CRYBG1: variants seen among roughly 807,000 people sequenced by gnomAD.
CRYBG1 encodes beta/gamma crystallin domain-containing protein 1.
Under a neutral mutation model 189.2 loss-of-function variants are expected in CRYBG1, and 139 were observed. The observed-to-expected ratio is 0.73, with a 90% CI of 0.64 to 0.85. The LOEUF (loss-of-function observed/expected upper bound fraction) is 0.85, where lower values mean the gene tolerates loss of function less well. Ranked by LOEUF, CRYBG1 falls within the 40% of genes least tolerant of loss-of-function variation. The pLI, the probability that CRYBG1 is intolerant of heterozygous loss-of-function variation, is 0.00. For missense variants in CRYBG1, 2,611 were observed against 2,675.8 expected (o/e 0.98, Z 0.53); for synonymous variants, 1,023 against 1,017.1 (o/e 1.01, Z -0.11).
intron 2 of CRYBG1, among the ~76,000 whole-genome samples, chr6:106,499,293 C>T (rs1237516805): frequency 6.7e-6 from 1 of 149,866 alleles, no homozygotes; most frequent in Non-Finnish European, 1.5e-5. Flanking sequence ...GCTGGGATTA[C>T]AGGTGCCGGC....
At chr6:106,528,855 C>G (rs1055011879) in intron 7 of CRYBG1, among the ~76,000 whole-genome samples, 1 of 151,768 alleles carries the variant, frequency 6.6e-6, no homozygotes, top group Non-Finnish European at 1.5e-5. Context: ...TTTATTATTT[C>G]TTCTTTCAGT....
chr6:106,553,272 C>A (rs1770728), intron 15 of CRYBG1, among the ~76,000 whole-genome samples, 183 bp from the exon 16 acceptor site: 6 of 152,108 alleles, frequency 3.9e-5, no homozygotes, highest in Non-Finnish European at 8.8e-5. Flanking sequence ...TCACGAATGG[C>A]GCAGCTAACA....
chr6:106,561,229 T>C, intron 19 of CRYBG1, 113 bp from the exon 20 acceptor site: 1 of 1,188,390 alleles, frequency 8.4e-7, no homozygotes, highest in Non-Finnish European at 1.2e-6. Context: ...CTCTTGAGTA[T>C]GGTAATTACC....
intron 1 of CRYBG1, among the ~76,000 whole-genome samples, chr6:106,412,757 T>G (rs930394378): frequency 6.6e-6 from 1 of 152,182 alleles, no homozygotes; most frequent in African/African-American, 2.4e-5. Context: ...TTTATTTCAC[T>G]TTCAACTCTG....
intron 1 of CRYBG1, among the ~76,000 whole-genome samples, chr6:106,450,071 A>T (rs1353736046): frequency 7.5e-4 from 3 of 4,024 alleles, no homozygotes; most frequent in African/African-American, 1.1e-3. Context: ...ATAAAAATAC[A>T]AAAAAATTAG....
intron 1 of CRYBG1, among the ~76,000 whole-genome samples, chr6:106,375,489 A>C (rs1360335747): frequency 6.6e-6 from 1 of 152,126 alleles, no homozygotes; most frequent in Non-Finnish European, 1.5e-5. Context: ...GTGGGAGAAA[A>C]AGTATGATGT....
intron 10 of CRYBG1, 26 bp from the exon 11 acceptor site, chr6:106,543,414 A>C: frequency 3.8e-6 from 6 of 1,580,728 alleles, no homozygotes; most frequent in Non-Finnish European, 5.2e-6. Context: ...CTTACAGATT[A>C]CTGGTATATC....
intron 4 of CRYBG1, among the ~76,000 whole-genome samples, chr6:106,522,947 G>C (rs759267495): frequency 2.0e-5 from 3 of 152,096 alleles, no homozygotes; most frequent in Non-Finnish European, 2.9e-5. Flanking sequence ...AAATGATTGA[G>C]AACCCCAACG....
chr6:106,438,408 C>T (rs75761823), intron 1 of CRYBG1, among the ~76,000 whole-genome samples: 2 of 152,138 alleles, frequency 1.3e-5, no homozygotes, highest in South Asian at 2.1e-4. Context: ...AGTCTGGGGG[C>T]TAGAAGTCCA....
In CRYBG1 at chr6:106,409,011, A is replaced by C. The variant is rs574075996; in HGVS notation, c.174-42683A>C. On this transcript the variant is annotated intron_variant, in intron 1 of 21. Transcript: ENST00000633556. ...CACTCCTATTCAACATAGTGTTGGA[A>C]GTTCTGGCCAGGGTAATCAGGCAAG... 6.2e-4 allele frequency among the ~76,000 whole-genome samples: 94 copies of C among 152,336 alleles called. 1 individual carries two copies. Among genetic ancestry groups the C allele is most frequent in the Non-Finnish European group, 1.1e-3 (75 of 68,032 alleles).
chr6:106,379,671 G>A (rs765795223), intron 1 of CRYBG1, among the ~76,000 whole-genome samples: 101 of 152,014 alleles, frequency 6.6e-4, no homozygotes, highest in Non-Finnish European at 1.1e-3. Flanking sequence ...CAATCCTCCC[G>A]CCTTAGCCTC....
In CRYBG1 at chr6:106,512,322, A is replaced by G. The variant is rs1773290466; in HGVS notation, c.1205A>G (p.Asp402Gly). Residue 402 changes from aspartate to glycine, a missense_variant, in exon 3 of 22, where the codon GAT becomes GGT. By Grantham distance (94) the Asp-to-Gly change is moderately conservative. Transcript: ENST00000633556. ...EPVVITPRAE[D>G]CGDWDDMEKR... ...GTCGTGATTACTCCCAGAGCGGAAGATTGCGGTGACTGGGACGACATGGAG... is the reference window on the plus strand; with the variant it reads ...GTCGTGATTACTCCCAGAGCGGAAGGTTGCGGTGACTGGGACGACATGGAG... The G allele has an allele frequency of 6.2e-7, 1 of 1,607,278 alleles. No homozygotes were observed.
chr6:106,472,830 G>A (rs1772261548), intron 2 of CRYBG1, among the ~76,000 whole-genome samples: 1 of 151,754 alleles, frequency 6.6e-6, no homozygotes, highest in South Asian at 2.1e-4. Context: ...CTTGAGCCTG[G>A]GAGGTGGAGG....
Position 106,481,386 on chromosome 6 carries a change from C to T in CRYBG1, c.312+29554C>T, listed in dbSNP as rs75314318. The stretch of plus-strand genomic sequence containing the variant: ...AAAGAGAACAACTACCAAACCTTAC[C>T]AGCCATAGAATTAAATCATGAGAGG... On this transcript the variant is annotated intron_variant, in intron 2 of 21. Coordinates refer to ENST00000633556, the MANE Select transcript of CRYBG1 (RefSeq NM_001371242.2). 2.2e-4 allele frequency among the ~76,000 whole-genome samples: 33 copies of T among 152,182 alleles called. No homozygotes were observed. In the East Asian group the frequency reaches 6.0e-3, roughly 28 times the overall value.
chr6:106,510,995 T>C (rs783422), intron 2 of CRYBG1, among the ~76,000 whole-genome samples: 19,609 of 152,204 alleles, frequency 0.13, 1,768 homozygotes, highest in African/African-American at 0.26. Flanking sequence ...ACAAAAAGAA[T>C]GGGCGGTGTT....
At chr6:106,363,893 G>T (rs900692583) in intron 1 of CRYBG1, among the ~76,000 whole-genome samples, 1 of 152,082 alleles carries the variant, frequency 6.6e-6, no homozygotes, top group Non-Finnish European at 1.5e-5. Context: ...GCACAAAGTA[G>T]AAACTCAGTA....
chr6:106,397,534 T>A (rs2114348164), intron 1 of CRYBG1, among the ~76,000 whole-genome samples: 1 of 152,322 alleles, frequency 6.6e-6, no homozygotes, highest in African/African-American at 2.4e-5. Flanking sequence ...TTGGTTCAGT[T>A]CAGTGCTTCA....
intron 1 of CRYBG1, among the ~76,000 whole-genome samples, chr6:106,427,438 C>G (rs57811389): frequency 6.6e-6 from 1 of 152,162 alleles, no homozygotes; most frequent in African/African-American, 2.4e-5. Flanking sequence ...TCCTGGAAAC[C>G]TTTCGTCCTC....
At chr6:106,412,672 C>G (rs1365106245) in intron 1 of CRYBG1, among the ~76,000 whole-genome samples, 3 of 152,188 alleles carry the variant, frequency 2.0e-5, no homozygotes, top group Admixed American at 2.0e-4. Context: ...TTAGGGACAT[C>G]TGTCTTTGTT....
Sources: gnomAD v4.1 joint callset for allele counts (sites outside exome capture counted in the v4.1 genomes callset) on GRCh38, gnomAD v4.1.1 for gene constraint, MANE v1.5 for transcripts, NCBI Gene and HGNC (gene_info 2026-07-23, HGNC 2026-07-21) for gene names.